The following C1orf226 variants were observed in gnomAD, a reference collection of about 807,000 sequenced individuals.
C1orf226 encodes the protein uncharacterized protein C1orf226.
Under a neutral mutation model 10.5 loss-of-function variants are expected in C1orf226, and 4 were observed. The observed-to-expected ratio is 0.38, with a 90% CI of 0.19 to 0.87. C1orf226 has a LOEUF of 0.87. Ranked by LOEUF, C1orf226 falls within the 40% of genes least tolerant of loss-of-function variation. The probability of loss-of-function intolerance (pLI) is 0.41; values close to 1 mark genes in which losing one functional copy is unlikely to be tolerated. For synonymous variants in C1orf226, 125 were observed against 139.3 expected (o/e 0.90, Z 0.72); for missense variants, 313 against 336.2 (o/e 0.93, Z 0.54).
At chr1:162,379,874 C>T (rs1477204178), upstream of C1orf226, among the ~76,000 whole-genome samples, 3 of 152,136 alleles carry the variant, frequency 2.0e-5, no homozygotes, top group African/African-American at 7.2e-5. Context: ...TCACTTTAAA[C>T]CAATAAGGAG....
At chr1:162,379,096 T>C, upstream of C1orf226, 1 of 1,095,834 alleles carries the variant, frequency 9.1e-7, no homozygotes, top group African/African-American at 1.6e-5. Context: ...CTTGGGTGTG[T>C]GCATGTTGGG....
intron 1 of C1orf226, among the ~76,000 whole-genome samples, chr1:162,382,729 C>T (rs1049651843): frequency 1.3e-5 from 2 of 152,194 alleles, no homozygotes; most frequent in African/African-American, 4.8e-5. Flanking sequence ...GAGAAGCCTG[C>T]ACCTGTCACA....
rs1648015797 is a variant in C1orf226 at position 162,383,825 on chromosome 1, A to G, written c.*142A>G. 3.6e-6 allele frequency: 3 copies of G among 842,618 alleles called. No individual in the cohort carries two copies. The highest frequency in any genetic ancestry group is 3.0e-5 in the Admixed American group (1 of 33,766). The allele number at this position is 842,618 out of a possible 1,614,324, so 52.2% of individuals were successfully genotyped here. ...ACCAGCAGAGAGCCAGTCGTCCATC[A>G]TGGGATTTTGCAGGACTGGAAGTCC... On this transcript the variant is annotated 3_prime_UTR_variant, in exon 2 of 2. Coordinates refer to ENST00000458626, the MANE Select transcript of C1orf226 (RefSeq NM_001085375.2).
rs535239159 is a variant in C1orf226 at position 162,386,319 on chromosome 1, G to A, written c.*2636G>A. On this transcript the variant is annotated 3_prime_UTR_variant, in exon 2 of 2. Transcript: ENST00000458626. ...TCAACAGTCTGGCCTTCCTGTGACTGTAGCCTGGCAGCCACACCCTCAGTA... is the reference window on the plus strand; with the variant it reads ...TCAACAGTCTGGCCTTCCTGTGACTATAGCCTGGCAGCCACACCCTCAGTA... The A allele has an allele frequency of 1.3e-5, 2 of 152,436 alleles. No homozygotes were observed. The highest frequency in any genetic ancestry group is 2.4e-5 in the African/African-American group (1 of 41,568). The allele number at this position is 152,436 out of a possible 1,614,324, so 9.4% of individuals were successfully genotyped here. A position where few individuals can be genotyped will look rare whatever the true frequency, so the allele number is the denominator to read the frequency against.
intron 1 of C1orf226, 58 bp from the exon 2 acceptor site, chr1:162,383,124 G>A: frequency 6.7e-7 from 1 of 1,489,466 alleles, no homozygotes; most frequent in South Asian, 1.3e-5. Context: ...AAGATGGCAG[G>A]TGGATTGGTG....
At chr1:162,381,550 T>A (rs1023697929), upstream of C1orf226, among the ~76,000 whole-genome samples, 1 of 152,222 alleles carries the variant, frequency 6.6e-6, no homozygotes, top group Non-Finnish European at 1.5e-5. Context: ...CATTGCTTCA[T>A]CCTCATTTTT....
At chr1:162,380,451 A>G (rs1647868838), upstream of C1orf226, among the ~76,000 whole-genome samples, 2 of 152,256 alleles carry the variant, frequency 1.3e-5, no homozygotes, top group African/African-American at 4.8e-5. Context: ...AGTGCAGGGC[A>G]GAAAGAACTG....
rs2101849903 is a variant in C1orf226 at position 162,385,475 on chromosome 1, C to T, written c.*1792C>T. On this transcript the variant is annotated 3_prime_UTR_variant, in exon 2 of 2. Coordinates refer to ENST00000458626, the MANE Select transcript of C1orf226 (RefSeq NM_001085375.2). ...CTTCTCCCAGAAAGCCAGGTTTCAC[C>T]ACGTGCTCACCACAAACTGTCTCCC... 6.6e-6 allele frequency: 1 copy of T among 152,510 alleles called. No individual in the cohort carries two copies. The allele number at this position is 152,510 out of a possible 1,614,324, so 9.4% of individuals were successfully genotyped here. A position where few individuals can be genotyped will look rare whatever the true frequency, so the allele number is the denominator to read the frequency against.
At position 162,385,614 on chromosome 1, in the gene C1orf226, AGAG is replaced by A. The variant is rs1385260717; in HGVS notation, c.*1936_*1938del. On this transcript the variant is annotated 3_prime_UTR_variant, in exon 2 of 2. Transcript: ENST00000458626. ...ATGTGATATCTGACCCTGATGTCAG[AGAG>A]GAGGTCTCAGGACTAGCATTCGGGG... 1 of 152,250 alleles carries A rather than the reference AGAG, an allele frequency of 6.6e-6. No homozygotes were observed. The highest frequency in any genetic ancestry group is 1.5e-5 in the Non-Finnish European group (1 of 68,060). 9.4% of individuals were successfully genotyped at this position (152,250 alleles called of 1,614,324 possible). A position where few individuals can be genotyped will look rare whatever the true frequency, so the allele number is the denominator to read the frequency against.
At position 162,383,859 on chromosome 1, in the gene C1orf226, T is replaced by C; in HGVS notation, c.*176T>C. On this transcript the variant is annotated 3_prime_UTR_variant, in exon 2 of 2. Transcript: ENST00000458626. The stretch of plus-strand genomic sequence containing the variant: ...TGCAGGACTGGAAGTCCTTGAGTAG[T>C]TCTAGTTAAAGAGTCTATCCGCAGA... 1 of 650,694 alleles carries C rather than the reference T, an allele frequency of 1.5e-6. No individual in the cohort carries two copies. The highest frequency in any genetic ancestry group is 2.8e-5 in the East Asian group (1 of 36,092). 40.3% of individuals were successfully genotyped at this position (650,694 alleles called of 1,614,324 possible).
In C1orf226 at chr1:162,383,817, C is replaced by T. The variant is rs946628815; in HGVS notation, c.*134C>T. The T allele has an allele frequency of 9.0e-6, 8 of 885,886 alleles. No homozygotes were observed. Among genetic ancestry groups the T allele is most frequent in the Non-Finnish European group, 1.3e-5 (8 of 600,370 alleles). 54.9% of individuals were successfully genotyped at this position (885,886 alleles called of 1,614,324 possible). On this transcript the variant is annotated 3_prime_UTR_variant, in exon 2 of 2. Transcript: ENST00000458626. ...TATGAGGCACCAGCAGAGAGCCAGT[C>T]GTCCATCATGGGATTTTGCAGGACT...
chr1:162,379,126 AC>A (rs1647831740), upstream of C1orf226: 1 of 738,888 alleles, frequency 1.4e-6, no homozygotes, highest in Non-Finnish European at 2.3e-6. Flanking sequence ...TGGGAGGGCC[AC>A]CTGGCTGGGG....
chr1:162,383,772 T>C lies in C1orf226; in HGVS notation c.*89T>C. 1 of 1,331,478 alleles carries C rather than the reference T, an allele frequency of 7.5e-7. No homozygotes were observed. Among genetic ancestry groups the C allele is most frequent in the South Asian group, 1.5e-5 (1 of 66,418 alleles). The allele number at this position is 1,331,478 out of a possible 1,614,324, so 82.5% of individuals were successfully genotyped here. On this transcript the variant is annotated 3_prime_UTR_variant, in exon 2 of 2. Coordinates refer to ENST00000458626, the MANE Select transcript of C1orf226 (RefSeq NM_001085375.2). ...ACACTGGCCCTGGCCTCAACTCCGC[T>C]GTGCCCTTTGTCTTCCTTGTATGAG...
At position 162,383,310 on chromosome 1, in the gene C1orf226, A is replaced by G; in HGVS notation, c.446A>G (p.Glu149Gly). ...TCACAGCCTGTCCTCAGCAGTCTGG[A>G]GTATGGGACAGAGCCATCACCTGGG... ...ISSQPVLSSL[E>G]YGTEPSPGQA... Residue 149 changes from glutamate (E) to glycine (G), a missense_variant, in exon 2 of 2, where the codon GAG becomes GGG. Physicochemically the swap from Glu to Gly is moderately conservative, Grantham distance 98. Transcript: ENST00000458626. 1.2e-6 allele frequency: 2 copies of G among 1,613,042 alleles called. No homozygotes were observed. Among genetic ancestry groups the G allele is most frequent in the East Asian group, 2.2e-5 (1 of 44,856 alleles).
Position 162,385,767 on chromosome 1 carries a change from G to A in C1orf226, c.*2084G>A, listed in dbSNP as rs1648090242. The stretch of plus-strand genomic sequence containing the variant: ...TTCATCTGAGCTTCCCATACCAGGA[G>A]CATGGTTTGTGCTTTGATGGGAAAC... On this transcript the variant is annotated 3_prime_UTR_variant, in exon 2 of 2. Transcript: ENST00000458626. The A allele has an allele frequency of 6.6e-6, 1 of 152,196 alleles. No homozygotes were observed. Among genetic ancestry groups the A allele is most frequent in the Admixed American group, 6.5e-5 (1 of 15,286 alleles). The allele number at this position is 152,196 out of a possible 1,614,324, so 9.4% of individuals were successfully genotyped here. A position where few individuals can be genotyped will look rare whatever the true frequency, so the allele number is the denominator to read the frequency against.
upstream of C1orf226, chr1:162,379,180 C>T (rs1647832634): frequency 1.7e-6 from 1 of 599,428 alleles, no homozygotes; most frequent in South Asian, 2.0e-5. Flanking sequence ...TTTTCTGAAC[C>T]ATCAAGCCTC....
At chr1:162,380,925 C>G (rs995607402), upstream of C1orf226, among the ~76,000 whole-genome samples, 4 of 152,234 alleles carry the variant, frequency 2.6e-5, no homozygotes, top group Non-Finnish European at 4.4e-5. Context: ...GAGGCATGCT[C>G]TCTGCCTTGC....
rs894041953 is a variant in C1orf226, at chr1:162,385,842, G to A, written c.*2159G>A. On this transcript the variant is annotated 3_prime_UTR_variant, in exon 2 of 2. Transcript: ENST00000458626. ...CTTCTCCTCTCCTGGAGCCCAGGGCGGCTCTGGCCCGATGATATGGCAGCC... is the reference window on the plus strand; with the variant it reads ...CTTCTCCTCTCCTGGAGCCCAGGGCAGCTCTGGCCCGATGATATGGCAGCC... 8.5e-5 allele frequency: 13 copies of A among 152,186 alleles called. No individual in the cohort carries two copies. The highest frequency in any genetic ancestry group is 2.6e-4 in the Admixed American group (4 of 15,284). 9.4% of individuals were successfully genotyped at this position (152,186 alleles called of 1,614,324 possible).
upstream of C1orf226, chr1:162,379,161 T>C (rs1005640702): frequency 1.6e-6 from 1 of 609,716 alleles, no homozygotes; most frequent in African/African-American, 1.8e-5. Context: ...CTGTCCTCCA[T>C]TGCCATTATT....
Sources: gnomAD v4.1 joint callset for allele counts (sites outside exome capture counted in the v4.1 genomes callset) on GRCh38, gnomAD v4.1.1 for gene constraint, MANE v1.5 for transcripts, NCBI Gene and HGNC (gene_info 2026-07-23, HGNC 2026-07-21) for gene names.